UGT2B11: variants seen among roughly 807,000 people sequenced by gnomAD.
The protein encoded by UGT2B11 is UDP glucuronosyltransferase family 2 member B11, also known as UDP-glucuronosyltransferase 2B11.
In UGT2B11, 49 loss-of-function variants were observed where a neutral mutation model predicts 51.7. The ratio of observed to expected loss-of-function variants is 0.95; its 90% CI spans 0.75 to 1.20. UGT2B11 has a LOEUF of 1.20. Ranked by LOEUF, UGT2B11 falls within the 50% of genes most tolerant of loss-of-function variation. UGT2B11 has a pLI of 0.00. For missense variants in UGT2B11, 810 were observed against 622.1 expected (o/e 1.30, Z -3.21); for synonymous variants, 273 against 209.0 (o/e 1.31, Z -2.64).
At chr4:69,224,247 T>C in the UGT2B11 span, among the ~76,000 whole-genome samples, 1 of 151,886 alleles carries the variant, frequency 6.6e-6, no homozygotes, top group Non-Finnish European at 1.5e-5. Context: ...GAGGAAGGGG[T>C]CAGAAGATGT....
At chr4:69,219,043 C>A (rs772087043), upstream of UGT2B11, among the ~76,000 whole-genome samples, 4 of 152,044 alleles carry the variant, frequency 2.6e-5, no homozygotes, top group African/African-American at 7.2e-5. Flanking sequence ...ATTCAGGCAC[C>A]CCATTCAGCG....
chr4:69,221,153 A>G, the UGT2B11 span, among the ~76,000 whole-genome samples: 1 of 152,198 alleles, frequency 6.6e-6, no homozygotes, highest in African/African-American at 2.4e-5. Context: ...GTTCTTTCGG[A>G]GTGCCATTTA....
At chr4:69,207,862 T>G (rs1721915404) in intron 3 of UGT2B11, among the ~76,000 whole-genome samples, 1 of 151,622 alleles carries the variant, frequency 6.6e-6, no homozygotes, top group Non-Finnish European at 1.5e-5. Flanking sequence ...CTGCTGAGAT[T>G]AGCAAAACAG....
At chr4:69,216,118 T>C (rs574660102), upstream of UGT2B11, 1 of 152,134 alleles carries the variant, frequency 6.6e-6, no homozygotes, top group Admixed American at 6.6e-5. Context: ...TGGATGATAG[T>C]AGACCAAATG....
In UGT2B11 at chr4:69,214,315, A is replaced by G. The variant is rs765451372; in HGVS notation, c.408T>C (p.Val136=). 1.2e-6 allele frequency: 2 copies of G among 1,613,220 alleles called. No individual in the cohort carries two copies. The highest frequency in any genetic ancestry group is 4.5e-5 in the East Asian group (2 of 44,782). ...ATCTTGACTCTTGTAGTTTTTTCAT[A>G]ACTTTCTTATTTGAAACTACATCTT... The part of the protein sequence containing the change: ...FCKDVVSNKK[V]MKKLQESRFD... The change falls in exon 1 of 6, where the codon GTT becomes GTC. Residue 136 remains valine, a synonymous_variant. Transcript: ENST00000446444.
the UGT2B11 span, among the ~76,000 whole-genome samples, chr4:69,220,522 G>T: frequency 9.9e-4 from 1 of 1,010 alleles, no homozygotes; most frequent in Non-Finnish European, 0.071. Context: ...CTTCATGATT[G>T]TCTCAACCAT....
chr4:69,221,676 G>A, the UGT2B11 span, among the ~76,000 whole-genome samples: 7 of 152,202 alleles, frequency 4.6e-5, no homozygotes, highest in Non-Finnish European at 8.8e-5. Flanking sequence ...CTGGTTACAG[G>A]CTGTCCTAAG....
chr4:69,222,548 C>G, the UGT2B11 span, among the ~76,000 whole-genome samples: 1 of 152,160 alleles, frequency 6.6e-6, no homozygotes, highest in Admixed American at 6.5e-5. Flanking sequence ...TGCCACTCCT[C>G]CAGGGTCATT....
intron 5 of UGT2B11, among the ~76,000 whole-genome samples, chr4:69,202,007 G>C (rs1721676508): frequency 6.6e-6 from 1 of 151,610 alleles, no homozygotes; most frequent in African/African-American, 2.4e-5. Context: ...CTCCAACTAA[G>C]GATTAGCCTG....
At chr4:69,213,958 C>G (rs777188900) in intron 1 of UGT2B11, 44 bp downstream of exon 1, 1 of 1,507,880 alleles carries the variant, frequency 6.6e-7, no homozygotes, top group Non-Finnish European at 8.8e-7. Flanking sequence ...TTCAAAGACA[C>G]AAATAAGTTA....
At chr4:69,215,063 A>T (rs947470411), upstream of UGT2B11, 5 of 205,358 alleles carry the variant, frequency 2.4e-5, no homozygotes, top group Non-Finnish European at 3.9e-5. Context: ...AAGAGATGAA[A>T]TGATTGTACA....
intron 3 of UGT2B11, among the ~76,000 whole-genome samples, chr4:69,207,873 C>T (rs1447814164): frequency 6.6e-6 from 1 of 151,560 alleles, no homozygotes. Context: ...AGCAAAACAG[C>T]TTTGAAGAAA....
chr4:69,222,556 A>G, the UGT2B11 span, among the ~76,000 whole-genome samples: 10 of 152,188 alleles, frequency 6.6e-5, no homozygotes, highest in African/African-American at 2.4e-4. Context: ...CTCCAGGGTC[A>G]TTCAATCATT....
At chr4:69,216,096 G>T (rs1035287797), upstream of UGT2B11, 1 of 151,954 alleles carries the variant, frequency 6.6e-6, no homozygotes, top group African/African-American at 2.4e-5. Context: ...GGTACATACT[G>T]CCAGTTGTAA....
intron 5 of UGT2B11, among the ~76,000 whole-genome samples, chr4:69,202,382 C>G (rs1305085908): frequency 6.6e-6 from 1 of 151,574 alleles, no homozygotes; most frequent in East Asian, 2.0e-4. Context: ...TTGTTAATTT[C>G]CAAAATTTAA....
upstream of UGT2B11, among the ~76,000 whole-genome samples, chr4:69,217,038 C>A (rs1277245797): frequency 1.3e-5 from 2 of 152,066 alleles, no homozygotes; most frequent in African/African-American, 2.4e-5. Flanking sequence ...AATTCATTTT[C>A]TTTTTATCCA....
intron 1 of UGT2B11, 70 bp from the exon 2 acceptor site, chr4:69,212,791 G>A: frequency 6.6e-7 from 1 of 1,515,482 alleles, no homozygotes; most frequent in Non-Finnish European, 8.8e-7. Context: ...TCTGAAAAAG[G>A]TTAGAACAAT....
At position 69,200,648 on chromosome 4, in the gene UGT2B11, A is replaced by T. The variant is rs1218845016; in HGVS notation, c.1382T>A (p.Val461Asp). The T allele has an allele frequency of 1.9e-6, 3 of 1,612,430 alleles. No homozygotes were observed. The South Asian group carries it at 3.3e-5, about 18-fold the overall frequency. ...GGGCATGACAAATTCAATCCAGAAG[A>T]CTGCTCGATCCAGGGGCTTTACTGG... ...DQPVKPLDRAVFWIEFVMPHK... is the reference protein window; with the variant it reads ...DQPVKPLDRADFWIEFVMPHK... Residue 461 changes from valine to aspartate, a missense_variant, in exon 6 of 6, where the codon GTC (valine) becomes GAC (aspartate). By Grantham distance (152) the Val-to-Asp change is radical. Transcript: ENST00000446444.
At chr4:69,205,601 G>A (rs374761265) in intron 3 of UGT2B11, 34 bp from the exon 4 acceptor site, 4 of 1,596,044 alleles carry the variant, frequency 2.5e-6, no homozygotes, top group African/African-American at 2.7e-5. Context: ...TATTCCATGA[G>A]TGGAACTCAA....
Sources: gnomAD v4.1 joint callset for allele counts (sites outside exome capture counted in the v4.1 genomes callset) on GRCh38, gnomAD v4.1.1 for gene constraint, MANE v1.5 for transcripts, NCBI Gene and HGNC (gene_info 2026-07-23, HGNC 2026-07-21) for gene names.